The following PCDHGB1 variants were observed in gnomAD, a reference collection of about 807,000 sequenced individuals.
The protein encoded by PCDHGB1 is protocadherin gamma-B1.
Under a neutral mutation model 56.6 loss-of-function variants are expected in PCDHGB1, and 34 were observed. The observed-to-expected ratio is 0.60, with a 90% CI of 0.46 to 0.80. PCDHGB1 has a LOEUF of 0.80. PCDHGB1 is among the 30% of genes least tolerant of loss of function. The probability of loss-of-function intolerance (pLI) is 0.00; values close to 1 mark genes in which losing one functional copy is unlikely to be tolerated. For synonymous variants in PCDHGB1, 561 were observed against 505.9 expected (o/e 1.11, Z -1.46); for missense variants, 1,278 against 1,204.6 (o/e 1.06, Z -0.90).
Position 141,490,457 on chromosome 5 carries a change from T to C in PCDHGB1, c.2410-4350T>C. 1 of 1,614,214 alleles carries C rather than the reference T, an allele frequency of 6.2e-7. No homozygotes were observed. Among genetic ancestry groups the C allele is most frequent in the Non-Finnish European group, 8.5e-7 (1 of 1,180,042 alleles). ...AAGCCTTCTGAGAACCACTACTCGC[T>C]GCTAACCAGCCAGCCTTTGGACCGG... On this transcript the variant is annotated intron_variant, in intron 1 of 3. Coordinates refer to ENST00000523390, the MANE Select transcript of PCDHGB1 (RefSeq NM_018922.3). The surrounding 1 kb of genome is among the most constrained non-coding windows in gnomAD (Gnocchi z 5.4).
At chr5:141,427,401 G>A (rs2097022075) in intron 1 of PCDHGB1, 1 of 461,400 alleles carries the variant, frequency 2.2e-6, no homozygotes, top group Non-Finnish European at 4.3e-6. Flanking sequence ...ACATGATAAA[G>A]ATTCGAGAGA....
chr5:141,355,444 G>C, intron 1 of PCDHGB1: 1 of 1,614,058 alleles, frequency 6.2e-7, no homozygotes, highest in Non-Finnish European at 8.5e-7. Flanking sequence ...CCCGCGCAGC[G>C]GCACCTTGGT....
intron 2 of PCDHGB1, among the ~76,000 whole-genome samples, chr5:141,503,239 C>G (rs1364808315): frequency 6.6e-6 from 1 of 152,088 alleles, no homozygotes; most frequent in Non-Finnish European, 1.5e-5. Flanking sequence ...TGGACAGTTT[C>G]TATCATACTC....
chr5:141,421,195 G>C (rs1305388921), intron 1 of PCDHGB1: 2 of 1,504,878 alleles, frequency 1.3e-6, no homozygotes, highest in Non-Finnish European at 1.8e-6. Context: ...CAACCAGCTC[G>C]AGAAACCGCG....
Position 141,490,629 on chromosome 5 carries a change from C to T in PCDHGB1, c.2410-4178C>T, listed in dbSNP as rs1174984711. 1.2e-6 allele frequency: 2 copies of T among 1,614,214 alleles called. No individual in the cohort carries two copies. Among genetic ancestry groups the T allele is most frequent in the East Asian group, 2.2e-5 (1 of 44,882 alleles). On this transcript the variant is annotated intron_variant, in intron 1 of 3. Coordinates refer to ENST00000523390, the MANE Select transcript of PCDHGB1 (RefSeq NM_018922.3). This position sits in a 1 kb window ranked among gnomAD's most constrained non-coding sequence, Gnocchi z 5.4. ...ACCAGCAGCTTTACACTGCTTACAT[C>T]CTAGAAAACCGGCCTCCGGGCTCCC...
chr5:141,480,413 T>C (rs1478520852), intron 1 of PCDHGB1, among the ~76,000 whole-genome samples: 2 of 135,292 alleles, frequency 1.5e-5, no homozygotes, highest in African/African-American at 3.0e-5. Context: ...AGACCCTGTC[T>C]CAAAAAAAAA....
intron 1 of PCDHGB1, chr5:141,383,837 C>G: frequency 6.2e-7 from 1 of 1,613,886 alleles, no homozygotes; most frequent in Non-Finnish European, 8.5e-7. Flanking sequence ...GAAGAAACTG[C>G]CTTCTATGAA....
chr5:141,389,002 A>T (rs749693513), intron 1 of PCDHGB1: 25 of 1,613,966 alleles, frequency 1.5e-5, no homozygotes, highest in Admixed American at 3.3e-5. Context: ...CGTGACAAGG[A>T]TTCCAGACAC....
At chr5:141,484,863 G>T (rs561595169) in intron 1 of PCDHGB1, 136 of 273,782 alleles carry the variant, frequency 5.0e-4, no homozygotes, top group African/African-American at 2.8e-3. Context: ...GGGGGTGGGG[G>T]AGCGTGGAGG....
At position 141,491,733 on chromosome 5, in the gene PCDHGB1, TGGGGGCGGCAC is replaced by T; in HGVS notation, c.2410-3073_2410-3063del. 1.9e-6 allele frequency: 3 copies of T among 1,602,698 alleles called. No individual in the cohort carries two copies. The highest frequency in any genetic ancestry group is 2.6e-6 in the Non-Finnish European group (3 of 1,175,258). On this transcript the variant is annotated intron_variant, in intron 1 of 3. Coordinates refer to ENST00000523390, the MANE Select transcript of PCDHGB1 (RefSeq NM_018922.3). The surrounding 1 kb of genome is among the most constrained non-coding windows in gnomAD (Gnocchi z 6.9). ...GCTCGGCGCCGCCCCGGGCGACCCC[TGGGGGCGGCAC>T]TGGAGAAGCCGCCCGTCCTCATAAG...
Position 141,432,099 on chromosome 5 carries a change from A to G in PCDHGB1, c.2410-62708A>G. On this transcript the variant is annotated intron_variant, in intron 1 of 3. Transcript: ENST00000523390. This position sits in a 1 kb window ranked among gnomAD's most constrained non-coding sequence, Gnocchi z 6.0. ...TCGCTGAACGTGGCAGACACCAACG[A>G]CAACCCGCCGGTCTTCCCTCAGGCC... 6.2e-7 allele frequency: 1 copy of G among 1,614,102 alleles called. No homozygotes were observed. The highest frequency in any genetic ancestry group is 1.1e-5 in the South Asian group (1 of 91,070).
rs144222319 is a variant in PCDHGB1, at chr5:141,505,519, C to T, written c.2557+38C>T. ...AGTGTGTGTATGGAAGAGTGGGAGACCTGGGGTTCTGGGGTGCATCTCACA... is the reference window on the plus strand; with the variant it reads ...AGTGTGTGTATGGAAGAGTGGGAGATCTGGGGTTCTGGGGTGCATCTCACA... On this transcript the variant is annotated intron_variant, in intron 3 of 3. Coordinates refer to ENST00000523390, the MANE Select transcript of PCDHGB1 (RefSeq NM_018922.3). The T allele has an allele frequency of 1.5e-3, 2,491 of 1,613,690 alleles. 3 individuals carry two copies. The highest frequency in any genetic ancestry group is 2.6e-3 in the Middle Eastern group (16 of 6,060).
intron 1 of PCDHGB1, among the ~76,000 whole-genome samples, chr5:141,407,384 G>A (rs911492449): frequency 1.3e-5 from 2 of 152,182 alleles, no homozygotes; most frequent in Non-Finnish European, 2.9e-5. Flanking sequence ...AGGCTTGTAT[G>A]TCATGGTAGG....
At position 141,357,349 on chromosome 5, in the gene PCDHGB1, A is replaced by G. The variant is rs1400036867; in HGVS notation, c.2409+4680A>G. ...CACGGTGCTGCTAGCACTCAAGCTGAGACGCTGGCACAAGTCACGCCTGCT... is the reference window on the plus strand; with the variant it reads ...CACGGTGCTGCTAGCACTCAAGCTGGGACGCTGGCACAAGTCACGCCTGCT... On this transcript the variant is annotated intron_variant, in intron 1 of 3. Coordinates refer to ENST00000523390, the MANE Select transcript of PCDHGB1 (RefSeq NM_018922.3). 2.5e-6 allele frequency: 4 copies of G among 1,614,000 alleles called. No homozygotes were observed. In the African/African-American group the frequency reaches 4.0e-5, roughly 16 times the overall value.
chr5:141,415,128 G>C (rs376477668), intron 1 of PCDHGB1: 33 of 1,613,528 alleles, frequency 2.0e-5, no homozygotes, highest in Admixed American at 5.0e-5. Context: ...TGGCCGTCCA[G>C]GACCACGGCC....
Position 141,361,433 on chromosome 5 carries a change from C to T in PCDHGB1, c.2409+8764C>T, listed in dbSNP as rs370691572. ...ACCGACGGGGGCAAGCCGCCCCTCT[C>T]CTCCAGCATAATTGTCACCCTGCAC... On this transcript the variant is annotated intron_variant, in intron 1 of 3. Transcript: ENST00000523390. The T allele has an allele frequency of 8.7e-6, 14 of 1,613,952 alleles. 1 individual carries two copies. Among genetic ancestry groups the T allele is most frequent in the African/African-American group, 1.3e-5 (1 of 74,958 alleles).
At chr5:141,409,109 A>G in intron 1 of PCDHGB1, 1 of 1,614,028 alleles carries the variant, frequency 6.2e-7, no homozygotes, top group Non-Finnish European at 8.5e-7. Context: ...TATGATTAAG[A>G]ATAACCAGTC....
At chr5:141,502,300 TTCCTC>T (rs139569110) in intron 2 of PCDHGB1, among the ~76,000 whole-genome samples, 4,853 of 152,256 alleles carry the variant, frequency 0.032, 250 homozygotes, top group African/African-American at 0.11. Flanking sequence ...TGTCACGTCT[TTCCTC>T]TCCTTTAATC....
intron 2 of PCDHGB1, among the ~76,000 whole-genome samples, chr5:141,505,117 G>A (rs575627148): frequency 1.8e-4 from 27 of 152,226 alleles, no homozygotes; most frequent in African/African-American, 3.6e-4. Context: ...AGCCAAGATC[G>A]CGCCACTGCA....
Sources: allele counts gnomAD v4.1 joint callset (sites outside exome capture counted in the v4.1 genomes callset), GRCh38; gene constraint gnomAD v4.1.1; non-coding constraint Gnocchi (gnomAD v3.1); transcripts MANE v1.5; gene names NCBI Gene and HGNC (gene_info 2026-07-23, HGNC 2026-07-21).